TRPV3: variants seen among roughly 807,000 people sequenced by gnomAD.
The protein encoded by TRPV3 is VRL-3.
In TRPV3, 88 loss-of-function variants were observed where a neutral mutation model predicts 87.1. That is an observed-to-expected ratio of 1.01 (90% CI 0.85 to 1.21). TRPV3 has a LOEUF of 1.21. Among genes scored for constraint, TRPV3 ranks in the 50% most tolerant of loss-of-function variants. The pLI, the probability that TRPV3 is intolerant of heterozygous loss-of-function variation, is 0.00. For missense variants in TRPV3, 1,054 were observed against 1,030.1 expected, an observed-to-expected ratio of 1.02 and a Z score of -0.32; for synonymous variants, 438 against 423.3, an observed-to-expected ratio of 1.03 and a Z score of -0.43.
intron 6 of TRPV3, among the ~76,000 whole-genome samples, chr17:3,542,260 G>C (rs551983072): frequency 4.4e-4 from 67 of 152,298 alleles, no homozygotes; most frequent in Non-Finnish European, 8.8e-4. Context: ...CCCGGCCTTA[G>C]AGCAGTGGCT....
intron 2 of TRPV3, 189 bp downstream of exon 2, chr17:3,554,543 C>A: frequency 1.9e-6 from 1 of 534,918 alleles, no homozygotes; most frequent in Non-Finnish European, 3.3e-6. Flanking sequence ...TACCCCAGCT[C>A]AGCCCCCTGA....
intron 15 of TRPV3, among the ~76,000 whole-genome samples, chr17:3,517,483 G>A (rs559982165): frequency 6.6e-6 from 1 of 151,616 alleles, no homozygotes; most frequent in Non-Finnish European, 1.5e-5. Flanking sequence ...CCCAGGTGTG[G>A]TGGCGCGTGC....
chr17:3,546,893 G>A (rs552693451), intron 2 of TRPV3: 4 of 279,610 alleles, frequency 1.4e-5, no homozygotes, highest in African/African-American at 2.3e-5. Flanking sequence ...GCTTGAAACC[G>A]GGAGGCAGAG....
rs181657466 is a variant in TRPV3, at chr17:3,531,812, C to T, written c.1065+845G>A. Among the ~76,000 whole-genome samples the T allele has an allele frequency of 1.8e-3, 275 of 152,326 alleles. 2 individuals carry two copies. The highest frequency in any genetic ancestry group is 6.2e-3 in the African/African-American group (259 of 41,570). On this transcript the variant is annotated intron_variant, in intron 8 of 17. Coordinates refer to ENST00000576742, the MANE Select transcript of TRPV3 (RefSeq NM_145068.4). ...CCGTTCTCCATCTCCTCCTCCCCCA[C>T]GGGAGAATCAAAAGGCCCCTTGTGG...
At chr17:3,555,165 C>A (rs995939510) in intron 1 of TRPV3, among the ~76,000 whole-genome samples, 5 of 151,702 alleles carry the variant, frequency 3.3e-5, no homozygotes, top group Non-Finnish European at 5.9e-5. Flanking sequence ...CCAGGTGGAC[C>A]CCTGAACTAG....
chr17:3,516,372 C>G, intron 16 of TRPV3, 85 bp downstream of exon 16: 1 of 1,074,664 alleles, frequency 9.3e-7, no homozygotes, highest in Non-Finnish European at 1.4e-6. Context: ...AGTGGCGGCA[C>G]TGTTTCTCTA....
rs1453789326 is a variant in TRPV3, at chr17:3,556,192, A to AAT, written c.-2-1341_-2-1340insAT. ...ACTCCGTCTCAAAAAAAATGAAAAA[A>AAT]AAAAAAAATAAAGTTTTTATTAAAC... On this transcript the variant is annotated intron_variant, in intron 1 of 17. Coordinates refer to ENST00000576742, the MANE Select transcript of TRPV3 (RefSeq NM_145068.4). This position sits in a 1 kb window ranked among gnomAD's most constrained non-coding sequence, Gnocchi z 4.2. Among the ~76,000 whole-genome samples the AAT allele has an allele frequency of 6.6e-6, 1 of 151,652 alleles. No individual in the cohort carries two copies. The highest frequency in any genetic ancestry group is 1.5e-5 in the Non-Finnish European group (1 of 67,934).
rs557912918 is a variant in TRPV3 at position 3,555,701 on chromosome 17, C to T, written c.-2-849G>A. ...CATCTTCCAACAAGACCAGGATAGA[C>T]CGTACAGGCTGCTGTGTGGAGGAAG... On this transcript the variant is annotated intron_variant, in intron 1 of 17. Coordinates refer to ENST00000576742, the MANE Select transcript of TRPV3 (RefSeq NM_145068.4). Among the ~76,000 whole-genome samples the T allele has an allele frequency of 3.9e-5, 6 of 152,206 alleles. No homozygotes were observed. In the South Asian group the frequency reaches 1.0e-3, roughly 26 times the overall value.
At chr17:3,529,347 C>A (rs924792776) in intron 9 of TRPV3, among the ~76,000 whole-genome samples, 2 of 152,122 alleles carry the variant, frequency 1.3e-5, no homozygotes, top group Non-Finnish European at 2.9e-5. Flanking sequence ...CCTCTCTGGG[C>A]CTCAGACTCC....
intron 14 of TRPV3, among the ~76,000 whole-genome samples, chr17:3,520,330 G>A (rs893394676): frequency 2.0e-5 from 3 of 152,220 alleles, no homozygotes; most frequent in Non-Finnish European, 4.4e-5. Context: ...GGCTCTCACA[G>A]TTGTATCTAA....
At chr17:3,525,834 C>G (rs1185376806) in intron 12 of TRPV3, among the ~76,000 whole-genome samples, 4 of 152,042 alleles carry the variant, frequency 2.6e-5, no homozygotes, top group Non-Finnish European at 5.9e-5. Context: ...AGACTGGTCT[C>G]AAACTCCTGA....
In TRPV3 at chr17:3,544,649, C is replaced by T; in HGVS notation, c.241G>A (p.Asp81Asn). The T allele has an allele frequency of 6.2e-7, 1 of 1,609,574 alleles. No individual in the cohort carries two copies. Among genetic ancestry groups the T allele is most frequent in the Non-Finnish European group, 8.5e-7 (1 of 1,179,048 alleles). ...NIRQCISGNC[D>N]DMDSPQSPQD... ...GGAGACTGGGGGGAGTCCATGTCAT[C>T]ACAGTTACCAGAGATGCTGGAGGTG... is the stretch of plus-strand genomic sequence containing the variant. The change falls in exon 4 of 18, where the codon GAT becomes AAT. Residue 81 changes from aspartate (D) to asparagine (N), a missense_variant. By Grantham distance (23) the Asp-to-Asn change is conservative. Coordinates refer to ENST00000576742, the MANE Select transcript of TRPV3 (RefSeq NM_145068.4).
Position 3,543,637 on chromosome 17 carries a change from A to G in TRPV3, c.312-9T>C. ...CCTTGGCCAGCTGTGCACTGAAGCC[A>G]GAAAATGTTTCCAACTCAACACACA... On this transcript the variant is annotated splice_polypyrimidine_tract_variant and intron_variant, in intron 4 of 17. Transcript: ENST00000576742. 1.2e-6 allele frequency: 2 copies of G among 1,613,778 alleles called. No homozygotes were observed. Among genetic ancestry groups the G allele is most frequent in the Non-Finnish European group, 1.7e-6 (2 of 1,179,842 alleles).
At position 3,536,041 on chromosome 17, in the gene TRPV3, G is replaced by T. The variant is rs2074406334; in HGVS notation, c.644-328C>A. Among the ~76,000 whole-genome samples, 4 of 152,328 alleles carry T rather than the reference G, an allele frequency of 2.6e-5. No homozygotes were observed. The South Asian group carries it at 6.2e-4, about 24-fold the overall frequency. ...TACGATTCAGAGGGGTGCAGGAGCT[G>T]CGGTACCCAGAGCAAGGGCCCTTCA... On this transcript the variant is annotated intron_variant, in intron 6 of 17. Coordinates refer to ENST00000576742, the MANE Select transcript of TRPV3 (RefSeq NM_145068.4).
At chr17:3,544,180 T>C (rs1488020639) in intron 4 of TRPV3, among the ~76,000 whole-genome samples, 2 of 152,246 alleles carry the variant, frequency 1.3e-5, no homozygotes, top group African/African-American at 4.8e-5. Context: ...GGCTAAGTTT[T>C]GTATTTTTAG....
rs939365367 is a variant in TRPV3, at chr17:3,556,120, T to C, written c.-2-1268A>G. Reference sequence around the variant, plus strand: ...TGAATCCAGGAGGCAGAGGTTGGATTGAGCCGAGATTGTGCCACTGCACTC... The same window carrying C: ...TGAATCCAGGAGGCAGAGGTTGGATCGAGCCGAGATTGTGCCACTGCACTC... On this transcript the variant is annotated intron_variant, in intron 1 of 17. Coordinates refer to ENST00000576742, the MANE Select transcript of TRPV3 (RefSeq NM_145068.4). This position sits in a 1 kb window ranked among gnomAD's most constrained non-coding sequence, Gnocchi z 4.2. Among the ~76,000 whole-genome samples, 1 of 150,474 alleles carries C rather than the reference T, an allele frequency of 6.6e-6. No homozygotes were observed. The highest frequency in any genetic ancestry group is 2.4e-5 in the African/African-American group (1 of 40,850).
At chr17:3,533,809 T>C (rs2074373494) in intron 7 of TRPV3, among the ~76,000 whole-genome samples, 1 of 152,202 alleles carries the variant, frequency 6.6e-6, no homozygotes, top group Admixed American at 6.5e-5. Flanking sequence ...CTTTGTATTT[T>C]TTAAGAGCAC....
At chr17:3,542,784 G>A (rs1474310463) in intron 5 of TRPV3, 86 bp from the exon 6 acceptor site, 18 of 1,428,664 alleles carry the variant, frequency 1.3e-5, no homozygotes, top group South Asian at 8.1e-5. Flanking sequence ...TGCTGCAGCC[G>A]CAGACCCCAA....
chr17:3,526,264 G>A (rs1183558168), intron 12 of TRPV3, among the ~76,000 whole-genome samples: 1 of 152,126 alleles, frequency 6.6e-6, no homozygotes, highest in Non-Finnish European at 1.5e-5. Flanking sequence ...GATCACTTGA[G>A]GTCAGGAGTT....
Sources: allele counts gnomAD v4.1 joint callset (sites outside exome capture counted in the v4.1 genomes callset), GRCh38; gene constraint gnomAD v4.1.1; non-coding constraint Gnocchi (gnomAD v3.1); transcripts MANE v1.5; gene names NCBI Gene and HGNC (gene_info 2026-07-23, HGNC 2026-07-21).